The following C2orf74 variants were observed in gnomAD, a reference collection of about 807,000 sequenced individuals.
C2orf74 encodes the protein DPM1 ER membrane anchor 1.
Under a neutral mutation model 17.9 loss-of-function variants are expected in C2orf74, and 14 were observed. That is an observed-to-expected ratio of 0.78 (90% confidence interval 0.52 to 1.22). C2orf74 has a LOEUF of 1.22. C2orf74 is among the 50% of genes most tolerant of loss of function. The pLI, the probability that C2orf74 is intolerant of heterozygous loss-of-function variation, is 0.00. For missense variants in C2orf74, 217 were observed against 218.4 expected, an observed-to-expected ratio of 0.99 and a Z score of 0.04; for synonymous variants, 79 against 72.6, an observed-to-expected ratio of 1.09 and a Z score of -0.44.
chr2:61,164,619 A>G lies in C2orf74; in HGVS notation c.*92A>G, dbSNP rs991719963. ...AAAATCATGTTGAAACAACAAAACAATGGGGAATTAAGCAAATAAAGATAT... is the reference window on the plus strand; with the variant it reads ...AAAATCATGTTGAAACAACAAAACAGTGGGGAATTAAGCAAATAAAGATAT... On this transcript the variant is annotated 3_prime_UTR_variant, in exon 5 of 5. Coordinates refer to ENST00000432605, the MANE Select transcript of C2orf74 (RefSeq NM_001143959.4). 9.7e-7 allele frequency: 1 copy of G among 1,028,994 alleles called. No individual in the cohort carries two copies. Among genetic ancestry groups the G allele is most frequent in the Admixed American group, 3.8e-5 (1 of 26,372 alleles). The allele number at this position is 1,028,994 out of a possible 1,614,324, so 63.7% of individuals were successfully genotyped here.
At chr2:61,157,833 G>C (rs758776780), upstream of C2orf74, 5 of 468,888 alleles carry the variant, frequency 1.1e-5, no homozygotes, top group South Asian at 7.8e-5. Context: ...CACTCATCCT[G>C]TAATTCCTGG....
intron 1 of C2orf74, among the ~76,000 whole-genome samples, chr2:61,150,942 G>C (rs1270938946): frequency 6.6e-6 from 1 of 152,108 alleles, no homozygotes; most frequent in Non-Finnish European, 1.5e-5. Flanking sequence ...CATATCAAAG[G>C]GATGCCACAG....
At chr2:61,148,218 C>T (rs948305096) in intron 1 of C2orf74, among the ~76,000 whole-genome samples, 2 of 149,442 alleles carry the variant, frequency 1.3e-5, no homozygotes, top group African/African-American at 4.9e-5. Context: ...TGGAGTTTCG[C>T]TCTTGTTGCC....
chr2:61,152,045 T>C (rs912763531), intron 1 of C2orf74: 2 of 152,360 alleles, frequency 1.3e-5, no homozygotes, highest in Admixed American at 1.3e-4. Flanking sequence ...TGGCGCATCA[T>C]GGTGAGTCTC....
intron 3 of C2orf74, 24 bp downstream of exon 3, chr2:61,162,979 A>G: frequency 2.6e-6 from 4 of 1,551,852 alleles, no homozygotes; most frequent in Non-Finnish European, 3.5e-6. Context: ...AGGATGTGGC[A>G]GAGGCCATTT....
intron 1 of C2orf74, among the ~76,000 whole-genome samples, chr2:61,150,448 T>A (rs1392910576): frequency 3.3e-5 from 5 of 152,206 alleles, no homozygotes; most frequent in Non-Finnish European, 7.3e-5. Context: ...CAGTGAGTCC[T>A]GCACTAACAG....
rs971578757 is a variant in C2orf74, at chr2:61,163,342, C to T, written c.390+110C>T. ...AGGAGATGGAGGACCGGGCGGGTGG[C>T]TCACGCCTGTAATCCCAGCATTTTG... On this transcript the variant is annotated intron_variant, in intron 4 of 4. Transcript: ENST00000432605. 12 of 1,196,504 alleles carry T rather than the reference C, an allele frequency of 1.0e-5. 1 individual carries two copies. The Middle Eastern group carries it at 1.5e-3, about 145-fold the overall frequency. 74.1% of individuals were successfully genotyped at this position (1,196,504 alleles called of 1,614,324 possible).
At chr2:61,158,890 T>C (rs1003562190), upstream of C2orf74, among the ~76,000 whole-genome samples, 4 of 152,208 alleles carry the variant, frequency 2.6e-5, no homozygotes, top group African/African-American at 7.2e-5. Flanking sequence ...TACATATTAG[T>C]TTTATGGGAC....
rs1421075910 is a variant in C2orf74, at chr2:61,162,493, G to A, written c.-22G>A. Reference sequence around the variant, plus strand: ...TGGACAGTCTGTGATTGTGAGAGTGGATGAGTCTTCTAGCTAAACCTATGA... The same window carrying A: ...TGGACAGTCTGTGATTGTGAGAGTGAATGAGTCTTCTAGCTAAACCTATGA... On this transcript the variant is annotated 5_prime_UTR_variant, in exon 2 of 5. Transcript: ENST00000432605. 1 of 1,530,608 alleles carries A rather than the reference G, an allele frequency of 6.5e-7. No homozygotes were observed. The highest frequency in any genetic ancestry group is 8.9e-7 in the Non-Finnish European group (1 of 1,129,110). 94.8% of individuals were successfully genotyped at this position (1,530,608 alleles called of 1,614,324 possible).
upstream of C2orf74, chr2:61,161,635 G>A (rs2103644416): frequency 6.6e-6 from 1 of 152,300 alleles, no homozygotes; most frequent in Admixed American, 6.5e-5. Context: ...TGGTATCCTA[G>A]TACTTTGTTG....
Position 61,162,581 on chromosome 2 carries a change from C to G in C2orf74, c.67C>G (p.Leu23Val). The change falls in exon 2 of 5, where the codon CTC (leucine) becomes GTC (valine). Residue 23 changes from leucine (L) to valine (V), a missense_variant. Coordinates refer to ENST00000432605, the MANE Select transcript of C2orf74 (RefSeq NM_001143959.4). ...ILLICLICIL[L>V]LLVVFLYKCF... ...TCTAATTTGCCTCATTTGCATCCTC[C>G]TCTTATTGGTGGTTTTTTTATATAA... The G allele has an allele frequency of 6.5e-7, 1 of 1,550,116 alleles. No individual in the cohort carries two copies. Among genetic ancestry groups the G allele is most frequent in the Non-Finnish European group, 8.7e-7 (1 of 1,145,702 alleles).
At chr2:61,160,243 C>A (rs1685522024), upstream of C2orf74, among the ~76,000 whole-genome samples, 1 of 152,012 alleles carries the variant, frequency 6.6e-6, no homozygotes, top group Non-Finnish European at 1.5e-5. Context: ...TGACTGCGAC[C>A]TCCGCCTCCT....
Position 61,151,543 on chromosome 2 carries a change from T to C in C2orf74, c.-122+6347T>C, listed in dbSNP as rs1685228553. 2.0e-5 allele frequency: 3 copies of C among 151,760 alleles called. No homozygotes were observed. The South Asian group carries it at 6.3e-4, about 32-fold the overall frequency. The allele number at this position is 151,760 out of a possible 1,614,324, so 9.4% of individuals were successfully genotyped here. ...TAGTCTAAAGTAATCTGAAGACTCA[T>C]TTGGGGGAGAATCCATTTCCAAGCT... On this transcript the variant is annotated intron_variant, in intron 1 of 3. Transcript: ENST00000426997.
chr2:61,164,742 G>T lies in C2orf74; in HGVS notation c.*215G>T. On this transcript the variant is annotated 3_prime_UTR_variant, in exon 5 of 5. Coordinates refer to ENST00000432605, the MANE Select transcript of C2orf74 (RefSeq NM_001143959.4). Reference sequence around the variant, plus strand: ...TAATTTTTTAAAAATTCAAATCTGAGTTCAAGAAATTGATTGTATTGCCCT... The same window carrying T: ...TAATTTTTTAAAAATTCAAATCTGATTTCAAGAAATTGATTGTATTGCCCT... The T allele has an allele frequency of 2.6e-6, 1 of 385,034 alleles. No homozygotes were observed. The allele number at this position is 385,034 out of a possible 1,614,324, so 23.9% of individuals were successfully genotyped here.
intron 1 of C2orf74, among the ~76,000 whole-genome samples, chr2:61,155,479 A>G (rs1248746844): frequency 6.6e-6 from 1 of 151,578 alleles, no homozygotes; most frequent in Non-Finnish European, 1.5e-5. Context: ...CAAGCTAATG[A>G]GATGGATTAT....
At chr2:61,153,190 A>C (rs2103619386) in intron 1 of C2orf74, among the ~76,000 whole-genome samples, 1 of 152,212 alleles carries the variant, frequency 6.6e-6, no homozygotes, top group African/African-American at 2.4e-5. Flanking sequence ...GCATCATTAT[A>C]AATGAAGGGA....
At chr2:61,147,519 A>C (rs1685105996) in intron 1 of C2orf74, among the ~76,000 whole-genome samples, 1 of 152,104 alleles carries the variant, frequency 6.6e-6, no homozygotes, top group Non-Finnish European at 1.5e-5. Context: ...TTGACAGACT[A>C]CTTTTTTTTG....
chr2:61,154,587 A>G (rs1168548062), intron 1 of C2orf74, among the ~76,000 whole-genome samples: 1 of 152,228 alleles, frequency 6.6e-6, no homozygotes, highest in Non-Finnish European at 1.5e-5. Flanking sequence ...GAGGTATATG[A>G]GAACCCTCTG....
intron 1 of C2orf74, among the ~76,000 whole-genome samples, chr2:61,152,685 C>G (rs961455759): frequency 1.3e-5 from 2 of 150,086 alleles, no homozygotes; most frequent in Non-Finnish European, 3.0e-5. Context: ...CCCATCTCTA[C>G]TAAAAATACA....
Sources: allele counts gnomAD v4.1 joint callset (sites outside exome capture counted in the v4.1 genomes callset), GRCh38; gene constraint gnomAD v4.1.1; transcripts MANE v1.5; gene names NCBI Gene and HGNC (gene_info 2026-07-23, HGNC 2026-07-21).